Variants in DPP10 observed in about 807,000 individuals in gnomAD.
The protein encoded by DPP10 is dipeptidyl peptidase like 10, also known as inactive dipeptidyl peptidase 10.
In DPP10, 33 loss-of-function variants were observed where a neutral mutation model predicts 120.9. The ratio of observed to expected loss-of-function variants is 0.27; its 90% CI spans 0.21 to 0.37. The LOEUF (loss-of-function observed/expected upper bound fraction) is 0.37, where lower values mean the gene tolerates loss of function less well. DPP10 is among the 10% of genes least tolerant of loss of function. DPP10 has a pLI of 1.00. For missense variants in DPP10, 816 were observed against 942.8 expected (o/e 0.87, Z 1.76); for synonymous variants, 337 against 326.1 (o/e 1.03, Z -0.36).
At chr2:115,294,767 A>T (rs1176313035) in intron 1 of DPP10, among the ~76,000 whole-genome samples, 1 of 152,070 alleles carries the variant, frequency 6.6e-6, no homozygotes, top group East Asian at 1.9e-4. Context: ...TGCTTTTATG[A>T]TGCTAATAAG....
rs1468985228 is a variant in DPP10, at chr2:115,378,676, A to G, written c.271+34764A>G. On this transcript the variant is annotated intron_variant, in intron 3 of 25. Coordinates refer to ENST00000410059, the MANE Select transcript of DPP10 (RefSeq NM_020868.6). ...CCAGTTTTTGCCCATTCAGTATGAT[A>G]TTGGCTGTGGGTTTGTCATAGATAG... 3.3e-5 allele frequency among the ~76,000 whole-genome samples: 5 copies of G among 151,994 alleles called. No homozygotes were observed. In the South Asian group the frequency reaches 1.0e-3, roughly 32 times the overall value.
At chr2:114,707,422 TGTTA>T (rs1041579417) in intron 1 of DPP10, among the ~76,000 whole-genome samples, 23 of 152,220 alleles carry the variant, frequency 1.5e-4, no homozygotes, top group African/African-American at 5.3e-4. Context: ...TATCCACTGT[TGTTA>T]GTTGTTACCA....
At chr2:115,186,076 T>G in intron 1 of DPP10, among the ~76,000 whole-genome samples, 1 of 152,244 alleles carries the variant, frequency 6.6e-6, no homozygotes, top group Non-Finnish European at 1.5e-5. Context: ...AAAAAGTCTA[T>G]TATGTTGACT....
intron 5 of DPP10, among the ~76,000 whole-genome samples, chr2:115,667,340 CT>C (rs1229100290): frequency 3.3e-5 from 5 of 151,900 alleles, no homozygotes; most frequent in African/African-American, 1.2e-4. Context: ...TGCAGAAACT[CT>C]TCAGTTTAAT....
intron 1 of DPP10, among the ~76,000 whole-genome samples, chr2:114,760,143 ATCC>A (rs1680152107): frequency 6.6e-6 from 1 of 152,178 alleles, no homozygotes; most frequent in Non-Finnish European, 1.5e-5. Flanking sequence ...GCCCACCCAG[ATCC>A]TCTTTACCAG....
At chr2:114,828,770 C>A (rs967776432) in intron 1 of DPP10, 1 of 152,252 alleles carries the variant, frequency 6.6e-6, no homozygotes, top group African/African-American at 2.4e-5. Context: ...AGTGTCCAAG[C>A]AGGCAGGTGC....
At chr2:114,628,357 A>G (rs1042990184) in intron 1 of DPP10, among the ~76,000 whole-genome samples, 2 of 152,138 alleles carry the variant, frequency 1.3e-5, no homozygotes, top group Non-Finnish European at 2.9e-5. Flanking sequence ...TTAGGAAGCA[A>G]TTTTTCACCA....
At chr2:114,811,662 C>T (rs1412576277) in intron 1 of DPP10, among the ~76,000 whole-genome samples, 2 of 151,890 alleles carry the variant, frequency 1.3e-5, no homozygotes, top group African/African-American at 2.4e-5. Context: ...CACCCCTCAC[C>T]CCACCACCAT....
At chr2:114,982,445 C>A (rs926476189) in intron 1 of DPP10, among the ~76,000 whole-genome samples, 8 of 152,040 alleles carry the variant, frequency 5.3e-5, no homozygotes, top group African/African-American at 1.9e-4. Flanking sequence ...TATACTAATG[C>A]CACACATTTT....
intron 1 of DPP10, chr2:115,161,726 CG>C: frequency 2.5e-6 from 1 of 397,190 alleles, no homozygotes. Context: ...TGGCGGGGGG[CG>C]GGGAGAGCGG....
chr2:115,365,567 A>T lies in DPP10; in HGVS notation c.271+21655A>T, dbSNP rs536939506. Among the ~76,000 whole-genome samples, 7 of 152,160 alleles carry T rather than the reference A, an allele frequency of 4.6e-5. No individual in the cohort carries two copies. The East Asian group carries it at 1.4e-3, about 29-fold the overall frequency. On this transcript the variant is annotated intron_variant, in intron 3 of 25. Transcript: ENST00000410059. Reference sequence around the variant, plus strand: ...CTAAGACTGGGATTCTTTATATGAAAGTATTTTTTTTTCTCCTTGGTTTTT... The same window carrying T: ...CTAAGACTGGGATTCTTTATATGAATGTATTTTTTTTTCTCCTTGGTTTTT...
At position 115,663,723 on chromosome 2, in the gene DPP10, G is replaced by A. The variant is rs1053372950; in HGVS notation, c.442-25964G>A. On this transcript the variant is annotated intron_variant, in intron 5 of 25. Transcript: ENST00000410059. ...TACATATAATACATACAGGCTGGGC[G>A]CGGTGGCTCACGCCTGTAATCCCAG... is the stretch of plus-strand genomic sequence containing the variant. 5.3e-5 allele frequency among the ~76,000 whole-genome samples: 8 copies of A among 152,262 alleles called. No homozygotes were observed. The East Asian group carries it at 5.8e-4, about 11-fold the overall frequency.
intron 4 of DPP10, among the ~76,000 whole-genome samples, chr2:115,511,169 T>A (rs1021494964): frequency 1.3e-5 from 2 of 151,938 alleles, no homozygotes; most frequent in Non-Finnish European, 2.9e-5. Flanking sequence ...TTATGAAGGA[T>A]TTTTTTTAAT....
At chr2:115,681,628 T>C (rs2090658358) in intron 5 of DPP10, among the ~76,000 whole-genome samples, 2 of 151,774 alleles carry the variant, frequency 1.3e-5, no homozygotes, top group Non-Finnish European at 1.5e-5. Flanking sequence ...TTTGGATATA[T>C]ATTATTTTCT....
chr2:115,401,874 G>C (rs184375963), intron 3 of DPP10, among the ~76,000 whole-genome samples: 52 of 151,674 alleles, frequency 3.4e-4, no homozygotes, highest in Admixed American at 5.9e-4. Flanking sequence ...ACACTACATG[G>C]GACCAGATAT....
chr2:115,095,734 CA>C (rs1243620885), intron 1 of DPP10, among the ~76,000 whole-genome samples: 3 of 151,738 alleles, frequency 2.0e-5, no homozygotes, highest in Admixed American at 6.6e-5. Context: ...TACACATGAG[CA>C]ATGGAAATAA....
intron 1 of DPP10, among the ~76,000 whole-genome samples, chr2:115,056,995 C>A (rs1044459906): frequency 8.5e-5 from 13 of 152,188 alleles, no homozygotes; most frequent in Non-Finnish European, 1.6e-4. Context: ...TTTCAAGGTT[C>A]CTTTCCTCAA....
chr2:115,025,191 C>T (rs997114735), intron 1 of DPP10, among the ~76,000 whole-genome samples: 3 of 21,572 alleles, frequency 1.4e-4, no homozygotes, highest in African/African-American at 3.2e-4. Flanking sequence ...CACCAATCTT[C>T]TCTCTCTCTT....
At chr2:114,481,160 G>A (rs765533362) in intron 1 of DPP10, among the ~76,000 whole-genome samples, 1 of 151,926 alleles carries the variant, frequency 6.6e-6, no homozygotes, top group Non-Finnish European at 1.5e-5. Context: ...AGTAGTAGAA[G>A]TATTTGCAAA....
Sources: gnomAD v4.1 joint callset for allele counts (sites outside exome capture counted in the v4.1 genomes callset) on GRCh38, gnomAD v4.1.1 for gene constraint, MANE v1.5 for transcripts, NCBI Gene and HGNC (gene_info 2026-07-23, HGNC 2026-07-21) for gene names.